Variants in SBF2 observed in about 807,000 individuals in gnomAD.
SBF2 encodes myotubularin-related protein 13.
In SBF2, 112 loss-of-function variants were observed where a neutral mutation model predicts 225.2. That is an observed-to-expected ratio of 0.50 (90% confidence interval 0.43 to 0.58). The LOEUF is 0.58. SBF2 is among the 20% of genes least tolerant of loss of function. The probability of loss-of-function intolerance (pLI) is 0.00; values close to 1 mark genes in which losing one functional copy is unlikely to be tolerated. For missense variants in SBF2, 1,996 were observed against 2,206.2 expected (o/e 0.90, Z 1.91); for synonymous variants, 763 against 773.3 (o/e 0.99, Z 0.22).
At chr11:10,179,886 C>A (rs1375015858) in intron 2 of SBF2, among the ~76,000 whole-genome samples, 1 of 151,834 alleles carries the variant, frequency 6.6e-6, no homozygotes, top group Non-Finnish European at 1.5e-5. Flanking sequence ...GTATGTTTTT[C>A]AATTCAAGGT....
intron 1 of SBF2, among the ~76,000 whole-genome samples, chr11:10,280,863 A>T (rs1189530459): frequency 6.6e-6 from 1 of 152,188 alleles, no homozygotes; most frequent in Non-Finnish European, 1.5e-5. Context: ...GGCAGCCTTC[A>T]CTGGTTTCTC....
chr11:10,152,877 T>C (rs1198072313), intron 2 of SBF2, among the ~76,000 whole-genome samples: 1 of 152,000 alleles, frequency 6.6e-6, no homozygotes, highest in Non-Finnish European at 1.5e-5. Flanking sequence ...GAGAAAGGAA[T>C]AGCTTGATCA....
At chr11:10,236,362 T>C (rs533868540) in intron 1 of SBF2, among the ~76,000 whole-genome samples, 2 of 152,302 alleles carry the variant, frequency 1.3e-5, no homozygotes, top group South Asian at 4.1e-4. Flanking sequence ...CTCAAGAGAT[T>C]GACGGTGGGA....
At chr11:10,244,857 CA>C (rs1428844985) in intron 1 of SBF2, among the ~76,000 whole-genome samples, 2 of 151,924 alleles carry the variant, frequency 1.3e-5, no homozygotes, top group Admixed American at 6.5e-5. Flanking sequence ...ATGGGCAGGC[CA>C]GGGGCGGTGG....
chr11:10,028,357 T>C (rs376348862), intron 6 of SBF2, 95 bp downstream of exon 6: 20 of 829,234 alleles, frequency 2.4e-5, no homozygotes, highest in South Asian at 1.6e-4. Flanking sequence ...TTAAAAAACA[T>C]TTTCTTGATT....
chr11:9,914,214 C>A (rs1349486447), intron 16 of SBF2, among the ~76,000 whole-genome samples: 2 of 152,098 alleles, frequency 1.3e-5, no homozygotes, highest in Non-Finnish European at 2.9e-5. Flanking sequence ...AGACAGCACA[C>A]AAGAATAGAC....
intron 1 of SBF2, among the ~76,000 whole-genome samples, chr11:10,286,120 G>A (rs944682209): frequency 6.6e-6 from 1 of 151,036 alleles, no homozygotes; most frequent in African/African-American, 2.4e-5. Context: ...GAGCTACCAC[G>A]CCCAGCCAAA....
Position 9,963,486 on chromosome 11 carries a change from A to T in SBF2, c.1710+287T>A, listed in dbSNP as rs7933475. Among the ~76,000 whole-genome samples the T allele has an allele frequency of 0.38, 58,432 of 152,036 alleles. 11,855 individuals carry two copies. Among genetic ancestry groups the T allele is most frequent in the Admixed American group, 0.46 (6,958 of 15,278 alleles). On this transcript the variant is annotated intron_variant, in intron 15 of 39. Coordinates refer to ENST00000256190, the MANE Select transcript of SBF2 (RefSeq NM_030962.4). ...GCTCCAAAAATAAAAATAAAATGAA[A>T]AAAATTTTAAGTTTCTAAGTAATAT...
intron 6 of SBF2, among the ~76,000 whole-genome samples, chr11:10,025,688 C>T (rs1458357738): frequency 6.6e-6 from 1 of 152,202 alleles, no homozygotes; most frequent in Non-Finnish European, 1.5e-5. Context: ...CAACCTCCTC[C>T]TCCCGGGTTC....
At chr11:10,253,847 C>CTGAG (rs1045355713) in intron 1 of SBF2, among the ~76,000 whole-genome samples, 1 of 151,930 alleles carries the variant, frequency 6.6e-6, no homozygotes, top group Non-Finnish European at 1.5e-5. Context: ...TAGGTAAGCA[C>CTGAG]TGAGTGAAAA....
chr11:9,889,717 T>C (rs61876923), intron 17 of SBF2, among the ~76,000 whole-genome samples: 28,203 of 152,070 alleles, frequency 0.19, 2,969 homozygotes, highest in Non-Finnish European at 0.23. Context: ...ACCTTTATGC[T>C]CAGTGAGAAA....
chr11:10,098,475 T>TAAAA (rs1555023189), intron 2 of SBF2, among the ~76,000 whole-genome samples: 1 of 135,786 alleles, frequency 7.4e-6, no homozygotes, highest in Non-Finnish European at 1.6e-5. Context: ...CAAGGAAAAT[T>TAAAA]AAAAAAAAAA....
chr11:10,118,378 C>G (rs1008960051), intron 2 of SBF2, among the ~76,000 whole-genome samples: 5 of 152,042 alleles, frequency 3.3e-5, no homozygotes, highest in African/African-American at 1.2e-4. Context: ...GAATAAGATC[C>G]ATAAGCATAC....
At chr11:10,168,571 A>G (rs2135236632) in intron 2 of SBF2, among the ~76,000 whole-genome samples, 1 of 152,360 alleles carries the variant, frequency 6.6e-6, no homozygotes, top group Admixed American at 6.5e-5. Flanking sequence ...AGGTAGAACA[A>G]TATTAATCCA....
chr11:10,294,044 A>G lies in SBF2; in HGVS notation c.26T>C (p.Ile9Thr), dbSNP rs894232231. 4 of 1,401,946 alleles carry G rather than the reference A, an allele frequency of 2.9e-6. No homozygotes were observed. In the African/African-American group the frequency reaches 6.0e-5, roughly 21 times the overall value. The allele number at this position is 1,401,946 out of a possible 1,614,324, so 86.8% of individuals were successfully genotyped here. A position where few individuals can be genotyped will look rare whatever the true frequency, so the allele number is the denominator to read the frequency against. The change falls in exon 1 of 40, where the codon ATC becomes ACC. Residue 9 changes from isoleucine (I) to threonine (T), a missense_variant. Ile to Thr is a moderately conservative substitution (Grantham distance 89, BLOSUM62 -1). Coordinates refer to ENST00000256190, the MANE Select transcript of SBF2 (RefSeq NM_030962.4). ...CTTCTCGTGGTCATAGCCTACCACGATGAAGTAGTCAGCCAGCCGGGCCAT... is the reference window on the plus strand; with the variant it reads ...CTTCTCGTGGTCATAGCCTACCACGGTGAAGTAGTCAGCCAGCCGGGCCAT... MARLADYF[I>T]VVGYDHEKPG...
intron 6 of SBF2, among the ~76,000 whole-genome samples, chr11:10,009,831 A>G (rs925408583): frequency 6.6e-6 from 1 of 152,126 alleles, no homozygotes; most frequent in African/African-American, 2.4e-5. Flanking sequence ...GGATCATCAC[A>G]CTGTCTTCCA....
chr11:10,277,631 G>A (rs972597571), intron 1 of SBF2, among the ~76,000 whole-genome samples: 2 of 152,130 alleles, frequency 1.3e-5, no homozygotes, highest in Non-Finnish European at 2.9e-5. Context: ...ATATAGTTAA[G>A]GATCTTCTGA....
Position 9,842,676 on chromosome 11 carries a change from C to A in SBF2, c.3205G>T (p.Val1069Leu), listed in dbSNP as rs933788288. 2 of 1,614,136 alleles carry A rather than the reference C, an allele frequency of 1.2e-6. No individual in the cohort carries two copies. Among genetic ancestry groups the A allele is most frequent in the Admixed American group, 3.3e-5 (2 of 60,028 alleles). Residue 1069 changes from valine (V) to leucine (L), a missense_variant, in exon 25 of 40, where the codon GTG (valine) becomes TTG (leucine). Val to Leu is a conservative substitution (Grantham distance 32). Transcript: ENST00000256190. ...CCAGGACGATTTACTCTTTCTTCCA[C>A]AATTGTCCCTGTCTTCTTCTTCAGT... ...YLLKKKTGTI[V>L]EERVNRPGWN...
chr11:9,790,582 A>G lies in SBF2; in HGVS notation c.4672T>C (p.Tyr1558His). 3 of 1,583,180 alleles carry G rather than the reference A, an allele frequency of 1.9e-6. No homozygotes were observed. Among genetic ancestry groups the G allele is most frequent in the Non-Finnish European group, 2.6e-6 (3 of 1,154,882 alleles). Residue 1558 changes from tyrosine to histidine, a missense_variant, in exon 34 of 40, where the codon TAT becomes CAT. Tyr to His is a moderately conservative substitution (Grantham distance 83). Coordinates refer to ENST00000256190, the MANE Select transcript of SBF2 (RefSeq NM_030962.4). ...MHKRSPIFFN[Y>H]LYSPLEIEAL... is the part of the protein sequence containing the mutation. ...TCTATTTCCAATGGTGAATATAAAT[A>G]ATTAAAGAAAATGGGACTCCTCTTG...
Sources: gnomAD v4.1 joint callset for allele counts (sites outside exome capture counted in the v4.1 genomes callset) on GRCh38, gnomAD v4.1.1 for gene constraint, MANE v1.5 for transcripts, NCBI Gene and HGNC (gene_info 2026-07-23, HGNC 2026-07-21) for gene names.